Variants in NCOR1 observed in about 807,000 individuals in gnomAD.
NCOR1 encodes the protein nuclear receptor corepressor 1.
Under a neutral mutation model 288.1 loss-of-function variants are expected in NCOR1, and 63 were observed. That is an observed-to-expected ratio of 0.22 (90% confidence interval 0.18 to 0.27). The LOEUF is 0.27. Among genes scored for constraint, NCOR1 ranks in the 10% least tolerant of loss-of-function variants. The pLI, the probability that NCOR1 is intolerant of heterozygous loss-of-function variation, is 1.00. For synonymous variants in NCOR1, 1,007 were observed against 1,065.9 expected (o/e 0.94, Z 1.08); for missense variants, 2,397 against 3,019.2 (o/e 0.79, Z 4.83).
At chr17:16,184,229 A>G (rs2086129325) in intron 3 of NCOR1, among the ~76,000 whole-genome samples, 2 of 152,184 alleles carry the variant, frequency 1.3e-5, no homozygotes, top group African/African-American at 4.8e-5. Context: ...TATAAATGGG[A>G]CTACATCAAA....
intron 32 of NCOR1, among the ~76,000 whole-genome samples, chr17:16,066,173 GAC>G (rs1453062782): frequency 3.9e-5 from 6 of 152,152 alleles, no homozygotes; most frequent in African/African-American, 1.4e-4. Context: ...GCAAACTTTT[GAC>G]ATAAAGGGCC....
rs2066742078 is a variant in NCOR1 at position 16,096,955 on chromosome 17, TAAAG to T, written c.2820+1408_2820+1411del. On this transcript the variant is annotated intron_variant, in intron 21 of 45. Coordinates refer to ENST00000268712, the MANE Select transcript of NCOR1 (RefSeq NM_006311.4). ...TGGAGTATTATTCAGCCTTTAAAAA[TAAAG>T]AAATTCTGGCACCTGCTAAGTATAC... is the stretch of plus-strand genomic sequence containing the variant. Among the ~76,000 whole-genome samples the T allele has an allele frequency of 2.6e-5, 4 of 152,212 alleles. No individual in the cohort carries two copies. In the South Asian group the frequency reaches 8.3e-4, roughly 32 times the overall value.
intron 40 of NCOR1, among the ~76,000 whole-genome samples, chr17:16,055,351 A>G (rs184553392): frequency 6.6e-6 from 1 of 152,376 alleles, no homozygotes; most frequent in East Asian, 1.9e-4. Flanking sequence ...GCCATGAAAA[A>G]GAATGAGCTC....
At chr17:16,097,815 G>C (rs1410817159) in intron 21 of NCOR1, among the ~76,000 whole-genome samples, 2 of 152,180 alleles carry the variant, frequency 1.3e-5, no homozygotes, top group African/African-American at 2.4e-5. Context: ...GAGTAACCTG[G>C]GGACCCAATA....
chr17:16,064,097 G>T lies in NCOR1; in HGVS notation c.5192C>A (p.Ala1731Glu), dbSNP rs2060844739. Residue 1731 changes from alanine (A) to glutamate (E), a missense_variant, in exon 35 of 46, where the codon GCA becomes GAA. By Grantham distance (107) the Ala-to-Glu change is moderately radical (BLOSUM62 -1). Transcript: ENST00000268712. ...EKERERERIA[A>E]ASSDLYLRPG... is the part of the protein sequence containing the mutation. ...CCGCAGGTAGAGGTCGGAGGAAGCT[G>T]CAGCAATCCGTTCCCGCTCCCGCTC... is the stretch of plus-strand genomic sequence containing the variant. 6.2e-7 allele frequency: 1 copy of T among 1,614,024 alleles called. No homozygotes were observed. Among genetic ancestry groups the T allele is most frequent in the Non-Finnish European group, 8.5e-7 (1 of 1,180,018 alleles).
chr17:16,214,606 T>C (rs1414679473), intron 1 of NCOR1, among the ~76,000 whole-genome samples: 1 of 152,156 alleles, frequency 6.6e-6, no homozygotes, highest in East Asian at 1.9e-4. Context: ...AAACTGACAC[T>C]TCCTGAGCAA....
At chr17:16,150,064 T>C (rs2078616655) in intron 8 of NCOR1, among the ~76,000 whole-genome samples, 2 of 152,168 alleles carry the variant, frequency 1.3e-5, no homozygotes, top group Non-Finnish European at 2.9e-5. Flanking sequence ...AGATTTCTAA[T>C]ATATCTTAAT....
chr17:16,141,511 G>A (rs1430320794), intron 11 of NCOR1, among the ~76,000 whole-genome samples: 2 of 152,026 alleles, frequency 1.3e-5, no homozygotes, highest in Non-Finnish European at 2.9e-5. Context: ...TAACTTATAA[G>A]AGCATACTAT....
intron 3 of NCOR1, among the ~76,000 whole-genome samples, chr17:16,179,280 C>T (rs570268880): frequency 7.3e-5 from 11 of 151,618 alleles, no homozygotes; most frequent in South Asian, 2.1e-4. Context: ...AAAATGAAAA[C>T]GAAGAAATTA....
At chr17:16,034,623 G>T in intron 45 of NCOR1, 142 bp downstream of exon 45, 2 of 768,970 alleles carry the variant, frequency 2.6e-6, no homozygotes, top group South Asian at 2.1e-5. Flanking sequence ...ACTTCTATTC[G>T]GGAAAGTGGA....
chr17:16,048,801 C>T, intron 41 of NCOR1, 44 bp downstream of exon 41: 2 of 1,516,296 alleles, frequency 1.3e-6, no homozygotes, highest in South Asian at 2.6e-5. Flanking sequence ...AAAGCATGAG[C>T]ACCCACGCCA....
intron 7 of NCOR1, 89 bp from the exon 8 acceptor site, chr17:16,152,087 TAAAG>T: frequency 2.7e-6 from 2 of 747,520 alleles, no homozygotes; most frequent in South Asian, 2.4e-5. Context: ...TAAGCACAGG[TAAAG>T]TACTAATGGA....
At position 16,068,021 on chromosome 17, in the gene NCOR1, C is replaced by T. The variant is rs1431654172; in HGVS notation, c.4614G>A (p.Val1538=). Residue 1538 remains valine (V), a synonymous_variant, in exon 32 of 46, where the codon GTG becomes GTA. Transcript: ENST00000268712. ...SIPAKSPVPG[V]DPVVSHSPFD... ...ACGGACTGTGGCTCACGACAGGGTC[C>T]ACCCCAGGCACTGGAGACTTCGCTG... 4 of 1,614,092 alleles carry T rather than the reference C, an allele frequency of 2.5e-6. No individual in the cohort carries two copies. Among genetic ancestry groups the T allele is most frequent in the African/African-American group, 1.3e-5 (1 of 74,928 alleles).
chr17:16,095,911 G>C (rs2066514655), intron 21 of NCOR1, among the ~76,000 whole-genome samples: 1 of 152,104 alleles, frequency 6.6e-6, no homozygotes. Context: ...AAAAGATTGA[G>C]AAATCGGATG....
chr17:16,121,101 TGCGGCTGCAGCACTG>T lies in NCOR1; in HGVS notation c.1788_1802del (p.Ser597_Ala601del). 1 of 1,614,160 alleles carries T rather than the reference TGCGGCTGCAGCACTG, an allele frequency of 6.2e-7. No homozygotes were observed. Among genetic ancestry groups the T allele is most frequent in the African/African-American group, 1.3e-5 (1 of 75,050 alleles). ...GTGGTGGGGGCTCTTCAGTAGCCGC[TGCGGCTGCAGCACTG>T]GCAGCTGCAGCTTCGTTTGTCATGG... On this transcript the variant is annotated inframe_deletion, in exon 16 of 46. Transcript: ENST00000268712.
intron 40 of NCOR1, 28 bp from the exon 41 acceptor site, chr17:16,049,016 G>A: frequency 6.4e-7 from 1 of 1,564,122 alleles, no homozygotes; most frequent in East Asian, 2.3e-5. Context: ...ATATTAGATT[G>A]TGTTTCAAAG....
Position 16,121,268 on chromosome 17 carries a change from C to G in NCOR1, c.1636G>C (p.Glu546Gln). The G allele has an allele frequency of 6.2e-7, 1 of 1,611,488 alleles. No individual in the cohort carries two copies. Among genetic ancestry groups the G allele is most frequent in the Non-Finnish European group, 8.5e-7 (1 of 1,178,958 alleles). The change falls in exon 16 of 46, where the codon GAA becomes CAA. Residue 546 changes from glutamate to glutamine, a missense_variant and splice_region_variant. Physicochemically the swap from Glu to Gln is conservative, Grantham distance 29. This residue lies in a region of NCOR1 where 113 missense variants were observed against 139.5 expected (regional missense o/e 0.81). Coordinates refer to ENST00000268712, the MANE Select transcript of NCOR1 (RefSeq NM_006311.4). ...ATCTTGTCCTTTTCCTTGGTATTTT[C>G]TCTGGACACAAAAGCAAATGAAAAC... The part of the protein sequence containing the change: ...EEKDEKEDSK[E>Q]NTKEKDKIDG...
chr17:16,127,769 GTA>G (rs2074974342), intron 14 of NCOR1, among the ~76,000 whole-genome samples: 1 of 149,342 alleles, frequency 6.7e-6, no homozygotes, highest in Non-Finnish European at 1.5e-5. Flanking sequence ...ATCTCTCATA[GTA>G]TATTAGGGTT....
chr17:16,154,724 A>T (rs1046281553), intron 6 of NCOR1, among the ~76,000 whole-genome samples: 2 of 152,200 alleles, frequency 1.3e-5, no homozygotes, highest in African/African-American at 4.8e-5. Context: ...AAAAGGTTCT[A>T]TTTGGAGAAT....
Sources: allele counts gnomAD v4.1 joint callset (sites outside exome capture counted in the v4.1 genomes callset), GRCh38; gene constraint gnomAD v4.1.1; regional missense constraint gnomAD v4.1.1; transcripts MANE v1.5; gene names NCBI Gene and HGNC (gene_info 2026-07-23, HGNC 2026-07-21).